Variants in SH3PXD2A observed in about 807,000 individuals in gnomAD.
SH3PXD2A encodes SH3 and PX domains 2A.
Under a neutral mutation model 115.2 loss-of-function variants are expected in SH3PXD2A, and 32 were observed. The observed-to-expected ratio is 0.28, with a 90% confidence interval of 0.21 to 0.37. The LOEUF (loss-of-function observed/expected upper bound fraction) is 0.37, where lower values mean the gene tolerates loss of function less well. SH3PXD2A is among the 10% of genes least tolerant of loss of function. The pLI is 1.00. For missense variants in SH3PXD2A, 1,328 were observed against 1,498.7 expected (o/e 0.89, Z 1.88); for synonymous variants, 610 against 629.1 (o/e 0.97, Z 0.45).
chr10:103,843,621 C>A (rs554280607), intron 1 of SH3PXD2A, among the ~76,000 whole-genome samples: 9 of 152,348 alleles, frequency 5.9e-5, no homozygotes, highest in African/African-American at 2.2e-4. Context: ...GCTCCAACCA[C>A]ATCATGTTTT....
chr10:103,708,069 T>C (rs2038002275), intron 5 of SH3PXD2A, among the ~76,000 whole-genome samples: 1 of 152,166 alleles, frequency 6.6e-6, no homozygotes, highest in South Asian at 2.1e-4. Context: ...CTTGAGCACC[T>C]GTGTGGGACC....
chr10:103,701,925 A>G (rs894933238), intron 5 of SH3PXD2A, among the ~76,000 whole-genome samples: 3 of 149,740 alleles, frequency 2.0e-5, no homozygotes, highest in African/African-American at 7.4e-5. Flanking sequence ...TCCAACCACC[A>G]TCCATCCATC....
chr10:103,783,328 G>C (rs1378263434), intron 2 of SH3PXD2A, among the ~76,000 whole-genome samples: 1 of 152,236 alleles, frequency 6.6e-6, no homozygotes, highest in East Asian at 1.9e-4. Flanking sequence ...GGAGGTGACC[G>C]TGAGAATGTG....
chr10:103,822,681 T>G (rs542458641), intron 1 of SH3PXD2A, among the ~76,000 whole-genome samples: 1 of 152,240 alleles, frequency 6.6e-6, no homozygotes, highest in African/African-American at 2.4e-5. Context: ...GAAACTGATC[T>G]GAATACCACC....
rs572161210 is a variant in SH3PXD2A, at chr10:103,620,803, T to C, written c.802+1667A>G. 1.3e-5 allele frequency among the ~76,000 whole-genome samples: 2 copies of C among 152,276 alleles called. No individual in the cohort carries two copies. The highest frequency in any genetic ancestry group is 4.8e-5 in the African/African-American group (2 of 41,542). ...AAGAATTAGGCATTTCATTGCGTAT[T>C]TGTGTCTCCACATATCACTGTATGT... On this transcript the variant is annotated intron_variant, in intron 10 of 14. Coordinates refer to ENST00000369774, the MANE Select transcript of SH3PXD2A (RefSeq NM_001394015.1). The surrounding 1 kb of genome is among the most constrained non-coding windows in gnomAD (Gnocchi z 5.3).
chr10:103,730,462 T>C (rs2038303806), intron 4 of SH3PXD2A, among the ~76,000 whole-genome samples: 2 of 151,944 alleles, frequency 1.3e-5, no homozygotes, highest in Admixed American at 1.3e-4. Context: ...GGACTGTTCT[T>C]TCTAGGTCAC....
At chr10:103,637,773 C>A (rs1306952192) in intron 8 of SH3PXD2A, among the ~76,000 whole-genome samples, 6 of 152,124 alleles carry the variant, frequency 3.9e-5, no homozygotes, top group Non-Finnish European at 7.4e-5. Context: ...CTGAGGGCAT[C>A]CTGGCCAGGC....
Position 103,602,573 on chromosome 10 carries a change from A to T in SH3PXD2A, c.2645T>A (p.Phe882Tyr). The T allele has an allele frequency of 6.2e-7, 1 of 1,614,098 alleles. No individual in the cohort carries two copies. The highest frequency in any genetic ancestry group is 1.3e-5 in the African/African-American group (1 of 75,036). The change falls in exon 15 of 15, where the codon TTT (phenylalanine) becomes TAT (tyrosine). Residue 882 changes from phenylalanine to tyrosine, a missense_variant. Phe to Tyr is a conservative substitution (Grantham distance 22, BLOSUM62 3). Transcript: ENST00000369774. ...KQESGWWYVR[F>Y]GELEGWAPSH... Reference sequence around the variant, plus strand: ...AGGGGCCCAGCCCTCCAGCTCCCCAAACCTCACATACCACCACCCGCTCTC... The same window carrying T: ...AGGGGCCCAGCCCTCCAGCTCCCCATACCTCACATACCACCACCCGCTCTC...
At chr10:103,815,013 C>T (rs765601421) in intron 1 of SH3PXD2A, among the ~76,000 whole-genome samples, 1 of 152,044 alleles carries the variant, frequency 6.6e-6, no homozygotes, top group Non-Finnish European at 1.5e-5. Context: ...TTCAGTTTGA[C>T]TCAGTACAAA....
intron 2 of SH3PXD2A, among the ~76,000 whole-genome samples, chr10:103,769,288 C>A (rs150064716): frequency 6.6e-6 from 1 of 151,868 alleles, no homozygotes; most frequent in Non-Finnish European, 1.5e-5. Flanking sequence ...CCCAATATAC[C>A]CAGGTTATTT....
At chr10:103,766,385 A>G (rs1321665892) in intron 3 of SH3PXD2A, among the ~76,000 whole-genome samples, 1 of 152,238 alleles carries the variant, frequency 6.6e-6, no homozygotes, top group Admixed American at 6.5e-5. Context: ...GACATGGACC[A>G]GGAGGCCCGA....
chr10:103,622,431 G>A (rs762174397), intron 10 of SH3PXD2A, 39 bp downstream of exon 10: 59 of 1,316,982 alleles, frequency 4.5e-5, no homozygotes, highest in Admixed American at 7.9e-5. Flanking sequence ...AGAGACAGGC[G>A]GTCGCTGCGA....
intron 11 of SH3PXD2A, among the ~76,000 whole-genome samples, chr10:103,616,535 T>C (rs1262310275): frequency 2.0e-5 from 3 of 152,224 alleles, no homozygotes; most frequent in Admixed American, 2.0e-4. Flanking sequence ...CCCACTTCCC[T>C]ACCCATACCA....
In SH3PXD2A at chr10:103,627,128, G is replaced by C. The variant is rs973127894; in HGVS notation, c.679C>G (p.Arg227Gly). Reference sequence around the variant, plus strand: ...GAGGTGTTGATGTCGGAGTCATCCCGAGTACCATTCTGGGCCTCCAGGTAG... The same window carrying C: ...GAGGTGTTGATGTCGGAGTCATCCCCAGTACCATTCTGGGCCTCCAGGTAG... ...ATYLEAQNGT[R>G]DDSDINTSKT... Residue 227 changes from arginine (R) to glycine (G), a missense_variant, in exon 9 of 15, where the codon CGG becomes GGG. Arg to Gly is a moderately radical substitution (Grantham distance 125, BLOSUM62 -2). Transcript: ENST00000369774. The surrounding 1 kb of genome is among the most constrained non-coding windows in gnomAD (Gnocchi z 4.4). 1 of 1,612,146 alleles carries C rather than the reference G, an allele frequency of 6.2e-7. No homozygotes were observed. The highest frequency in any genetic ancestry group is 1.3e-5 in the African/African-American group (1 of 74,676).
intron 3 of SH3PXD2A, among the ~76,000 whole-genome samples, chr10:103,753,352 C>T (rs748450196): frequency 1.5e-4 from 22 of 145,640 alleles, no homozygotes; most frequent in Non-Finnish European, 2.7e-4. Context: ...AAAAATTAGC[C>T]GGGCATAGTG....
intron 5 of SH3PXD2A, among the ~76,000 whole-genome samples, chr10:103,702,617 G>GCTGGGTGC (rs1241100219): frequency 1.3e-5 from 2 of 152,060 alleles, no homozygotes; most frequent in East Asian, 3.8e-4. Context: ...GTGTGTGCAT[G>GCTGGGTGC]CTGGGTGCGG....
intron 7 of SH3PXD2A, among the ~76,000 whole-genome samples, chr10:103,667,572 T>C (rs2037400080): frequency 6.6e-6 from 1 of 152,140 alleles, no homozygotes. Flanking sequence ...CCCACTGCCT[T>C]CTCTTCTCCT....
chr10:103,619,050 G>A (rs1173796595), intron 10 of SH3PXD2A, among the ~76,000 whole-genome samples: 1 of 152,226 alleles, frequency 6.6e-6, no homozygotes, highest in Admixed American at 6.5e-5. Flanking sequence ...GCAGAAGGAG[G>A]GTGATGACCC....
At chr10:103,785,519 C>G (rs1265656812) in intron 2 of SH3PXD2A, among the ~76,000 whole-genome samples, 3 of 152,158 alleles carry the variant, frequency 2.0e-5, no homozygotes, top group Non-Finnish European at 4.4e-5. Flanking sequence ...CAGCATGGCC[C>G]AGGGAAGGGA....
Sources: gnomAD v4.1 joint callset for allele counts (sites outside exome capture counted in the v4.1 genomes callset) on GRCh38, gnomAD v4.1.1 for gene constraint, Gnocchi (gnomAD v3.1) non-coding constraint, MANE v1.5 for transcripts, NCBI Gene and HGNC (gene_info 2026-07-23, HGNC 2026-07-21) for gene names.